Variants in CASS4 observed in about 807,000 individuals in gnomAD.
CASS4 encodes Cas scaffold protein family member 4, also known as cas scaffolding protein family member 4.
A neutral mutation model predicts 54.2 loss-of-function variants in CASS4; 22 were observed. The observed-to-expected ratio is 0.41, with a 90% CI of 0.29 to 0.58. The LOEUF is 0.58. Ranked by LOEUF, CASS4 falls within the 20% of genes least tolerant of loss-of-function variation. CASS4 has a pLI of 0.36. For synonymous variants in CASS4, 409 were observed against 391.5 expected, an observed-to-expected ratio of 1.04 and a Z score of -0.53; for missense variants, 854 against 986.7, an observed-to-expected ratio of 0.87 and a Z score of 1.80.
At chr20:56,443,463 C>A (rs1169995639) in intron 2 of CASS4, among the ~76,000 whole-genome samples, 1 of 84,272 alleles carries the variant, frequency 1.2e-5, no homozygotes, top group African/African-American at 5.6e-5. Flanking sequence ...AGCGAGACTC[C>A]GTCTCCAAAA....
chr20:56,451,622 A>G (rs935571900), intron 4 of CASS4, among the ~76,000 whole-genome samples, 197 bp from the exon 5 acceptor site: 4 of 152,166 alleles, frequency 2.6e-5, no homozygotes, highest in African/African-American at 9.6e-5. Context: ...CTGTAAGCAG[A>G]TGGTGGCAGA....
At chr20:56,420,319 T>A (rs1015775405) in intron 1 of CASS4, among the ~76,000 whole-genome samples, 8 of 152,176 alleles carry the variant, frequency 5.3e-5, no homozygotes, top group Admixed American at 5.2e-4. Context: ...GGGTCATCCC[T>A]GTGTCTTGGA....
chr20:56,427,596 G>A (rs368398046), intron 1 of CASS4, among the ~76,000 whole-genome samples: 1 of 152,100 alleles, frequency 6.6e-6, no homozygotes, highest in Non-Finnish European at 1.5e-5. Context: ...TGTTGAGTCT[G>A]GGCACAGCTA....
chr20:56,445,041 C>T (rs932239800), intron 2 of CASS4, among the ~76,000 whole-genome samples: 4 of 151,488 alleles, frequency 2.6e-5, no homozygotes, highest in Admixed American at 6.6e-5. Flanking sequence ...ATCCAGGAGG[C>T]GGAGTTTGCA....
intron 3 of CASS4, among the ~76,000 whole-genome samples, chr20:56,447,891 C>T (rs1469393617): frequency 1.3e-5 from 2 of 152,192 alleles, no homozygotes; most frequent in Non-Finnish European, 1.5e-5. Context: ...GCCTGTAATC[C>T]CAGCACTTTG....
rs961670736 is a variant in CASS4, at chr20:56,453,312, A to T, written c.1953+183A>T. 2.1e-5 allele frequency: 12 copies of T among 573,416 alleles called. No individual in the cohort carries two copies. The African/African-American group carries it at 2.2e-4, about 11-fold the overall frequency. 35.5% of individuals were successfully genotyped at this position (573,416 alleles called of 1,614,324 possible). ...TGAAATCTTATTAACAAGTCAGATA[A>T]AGATAGGTCAGCATAGGCAGATAGG... On this transcript the variant is annotated intron_variant, in intron 5 of 5. Transcript: ENST00000679887.
intron 1 of CASS4, among the ~76,000 whole-genome samples, chr20:56,426,597 A>G (rs1277984225): frequency 6.6e-6 from 1 of 151,216 alleles, no homozygotes; most frequent in African/African-American, 2.4e-5. Flanking sequence ...CCCCGCCAAG[A>G]CAAGGTCTCA....
At chr20:56,416,259 A>G (rs1474999871) in intron 1 of CASS4, among the ~76,000 whole-genome samples, 1 of 152,202 alleles carries the variant, frequency 6.6e-6, no homozygotes, top group Non-Finnish European at 1.5e-5. Flanking sequence ...CATATTGGCC[A>G]GGCTGGTCTC....
chr20:56,429,164 A>G (rs2146272592), intron 1 of CASS4, among the ~76,000 whole-genome samples: 1 of 152,284 alleles, frequency 6.6e-6, no homozygotes, highest in East Asian at 1.9e-4. Context: ...CGGCTCATCT[A>G]AGCTGCTCCT....
chr20:56,425,229 G>A (rs1031943379), intron 1 of CASS4, among the ~76,000 whole-genome samples: 1 of 152,238 alleles, frequency 6.6e-6, no homozygotes, highest in African/African-American at 2.4e-5. Flanking sequence ...GATCCTCTCA[G>A]TGCCTCCTCA....
At chr20:56,413,726 A>G (rs958226232) in intron 1 of CASS4, among the ~76,000 whole-genome samples, 1 of 151,096 alleles carries the variant, frequency 6.6e-6, no homozygotes, top group Non-Finnish European at 1.5e-5. Context: ...GTGACTGAGT[A>G]ACCCATGACA....
At chr20:56,421,615 G>A (rs192453896) in intron 1 of CASS4, among the ~76,000 whole-genome samples, 1 of 152,276 alleles carries the variant, frequency 6.6e-6, no homozygotes, top group Admixed American at 6.5e-5. Flanking sequence ...AGGATCGTTC[G>A]AGCCCAGGAG....
At chr20:56,423,760 GT>G (rs1322535324) in intron 1 of CASS4, among the ~76,000 whole-genome samples, 1 of 152,044 alleles carries the variant, frequency 6.6e-6, no homozygotes, top group Non-Finnish European at 1.5e-5. Flanking sequence ...GGCCAGGCTG[GT>G]CTTGAACTCC....
intron 1 of CASS4, among the ~76,000 whole-genome samples, chr20:56,435,825 A>G (rs1980125420): frequency 6.6e-6 from 1 of 152,052 alleles, no homozygotes; most frequent in South Asian, 2.1e-4. Context: ...ATCTCGGCTC[A>G]TTGCAACCTC....
Position 56,460,182 on chromosome 20 carries a change from A to G in CASS4, c.*1435A>G, listed in dbSNP as rs770954426. The G allele has an allele frequency of 2.0e-5, 3 of 152,498 alleles. No homozygotes were observed. The highest frequency in any genetic ancestry group is 4.4e-5 in the Non-Finnish European group (3 of 67,998). The allele number at this position is 152,498 out of a possible 1,614,324, so 9.4% of individuals were successfully genotyped here. A position where few individuals can be genotyped will look rare whatever the true frequency, so the allele number is the denominator to read the frequency against. On this transcript the variant is annotated 3_prime_UTR_variant, in exon 6 of 6. Transcript: ENST00000679887. Reference sequence around the variant, plus strand: ...CATAACATGATCTGTTGGGTTCTCTATTAATTTATTTCATACATTATAGAT... The same window carrying G: ...CATAACATGATCTGTTGGGTTCTCTGTTAATTTATTTCATACATTATAGAT...
At chr20:56,443,110 G>A (rs908886490) in intron 2 of CASS4, among the ~76,000 whole-genome samples, 4 of 135,958 alleles carry the variant, frequency 2.9e-5, no homozygotes, top group Admixed American at 1.5e-4. Flanking sequence ...TACCACTGGC[G>A]GTACAGCCAG....
At chr20:56,449,169 T>C (rs1002765210) in intron 3 of CASS4, among the ~76,000 whole-genome samples, 13 of 152,220 alleles carry the variant, frequency 8.5e-5, no homozygotes, top group Non-Finnish European at 1.6e-4. Context: ...CGTATGTTTA[T>C]TGCGGCACTA....
chr20:56,425,205 C>G (rs1461710859), intron 1 of CASS4, among the ~76,000 whole-genome samples: 1 of 152,190 alleles, frequency 6.6e-6, no homozygotes, highest in African/African-American at 2.4e-5. Context: ...GCGAGCCTCC[C>G]CCAGGAGCTT....
At chr20:56,434,765 G>GA (rs964094787) in intron 1 of CASS4, among the ~76,000 whole-genome samples, 3 of 151,428 alleles carry the variant, frequency 2.0e-5, no homozygotes, top group Admixed American at 6.6e-5. Flanking sequence ...TTTTAAGTGG[G>GA]AAAAAAAAGC....
Sources: gnomAD v4.1 joint callset for allele counts (sites outside exome capture counted in the v4.1 genomes callset) on GRCh38, gnomAD v4.1.1 for gene constraint, MANE v1.5 for transcripts, NCBI Gene and HGNC (gene_info 2026-07-23, HGNC 2026-07-21) for gene names.